The following PLAAT1 variants were observed in gnomAD, a reference collection of about 807,000 sequenced individuals.
The protein encoded by PLAAT1 is phospholipase A and acyltransferase 1.
Under a neutral mutation model 16.4 loss-of-function variants are expected in PLAAT1, and 13 were observed. The ratio of observed to expected loss-of-function variants is 0.79; its 90% CI spans 0.52 to 1.26. PLAAT1 has a LOEUF of 1.26. Ranked by LOEUF, PLAAT1 falls within the 50% of genes most tolerant of loss-of-function variation. PLAAT1 has a pLI of 0.00. For synonymous variants in PLAAT1, 73 were observed against 78.4 expected (o/e 0.93, Z 0.36); for missense variants, 218 against 207.8 (o/e 1.05, Z -0.30).
intron 1 of PLAAT1, among the ~76,000 whole-genome samples, chr3:193,248,785 T>C (rs189991571): frequency 2.0e-4 from 30 of 152,278 alleles, no homozygotes; most frequent in African/African-American, 6.3e-4. Context: ...GCTATATGTG[T>C]TTTGAATAGT....
At chr3:193,271,835 A>G (rs1293577440), downstream of PLAAT1, among the ~76,000 whole-genome samples, 2 of 152,116 alleles carry the variant, frequency 1.3e-5, no homozygotes, top group Non-Finnish European at 2.9e-5. Flanking sequence ...ACTGATTTAG[A>G]TTTTACCCCA....
intron 2 of PLAAT1, among the ~76,000 whole-genome samples, chr3:193,262,612 A>G (rs1474874548): frequency 6.6e-6 from 1 of 152,174 alleles, no homozygotes; most frequent in Non-Finnish European, 1.5e-5. Flanking sequence ...AAAAGTGGAC[A>G]ATAATCTTAT....
intron 3 of PLAAT1, among the ~76,000 whole-genome samples, chr3:193,264,948 A>G (rs1399584432): frequency 6.6e-6 from 1 of 152,270 alleles, no homozygotes; most frequent in African/African-American, 2.4e-5. Context: ...ATGCAAATCA[A>G]AGCCACAATG....
intron 3 of PLAAT1, among the ~76,000 whole-genome samples, chr3:193,267,695 A>G (rs758799301): frequency 3.2e-4 from 48 of 152,306 alleles, no homozygotes; most frequent in Admixed American, 4.6e-4. Flanking sequence ...TTTTATGTGG[A>G]CATAAGTATT....
chr3:193,270,796 T>G lies in PLAAT1; in HGVS notation c.*91T>G. ...ACTTATTTTCAGTGCATCATTACTG[T>G]TCCAGATTCCTATGATGGATGGCAG... On this transcript the variant is annotated 3_prime_UTR_variant, in exon 4 of 4. Coordinates refer to ENST00000264735, the MANE Select transcript of PLAAT1 (RefSeq NM_020386.5). 6.8e-7 allele frequency: 1 copy of G among 1,476,388 alleles called. No homozygotes were observed. The highest frequency in any genetic ancestry group is 9.0e-7 in the Non-Finnish European group (1 of 1,110,362). 91.5% of individuals were successfully genotyped at this position (1,476,388 alleles called of 1,614,324 possible). A position where few individuals can be genotyped will look rare whatever the true frequency, so the allele number is the denominator to read the frequency against.
downstream of PLAAT1, among the ~76,000 whole-genome samples, chr3:193,273,940 G>A (rs1368401881): frequency 1.3e-5 from 2 of 152,056 alleles, no homozygotes; most frequent in African/African-American, 4.8e-5. Context: ...AGTTCTGGAC[G>A]ACTTTTAAAG....
rs1335975712 is a variant in PLAAT1 at position 193,255,916 on chromosome 3, A to T, written c.139+127A>T. On this transcript the variant is annotated intron_variant, in intron 2 of 3. Coordinates refer to ENST00000264735, the MANE Select transcript of PLAAT1 (RefSeq NM_020386.5). ...ATATAGAAAGCAGATAAATCCAACT[A>T]ATCTAGGTTTAGAGAAGGATATTCT... 8.2e-6 allele frequency: 7 copies of T among 857,902 alleles called. No individual in the cohort carries two copies. In the African/African-American group the frequency reaches 1.2e-4, roughly 15 times the overall value. 53.1% of individuals were successfully genotyped at this position (857,902 alleles called of 1,614,324 possible).
chr3:193,275,135 G>A (rs762056396), downstream of PLAAT1: 2 of 1,614,188 alleles, frequency 1.2e-6, no homozygotes, highest in Admixed American at 3.3e-5. Flanking sequence ...AGCCTCCGTT[G>A]ATGTAGAATC....
At chr3:193,276,790 A>G in intron 2 of PLAAT1, 1 of 1,613,694 alleles carries the variant, frequency 6.2e-7, no homozygotes, top group South Asian at 1.1e-5. Flanking sequence ...GAGGGCTACC[A>G]CCAAAATTAA....
At chr3:193,277,237 C>A (rs866050233) in intron 2 of PLAAT1, among the ~76,000 whole-genome samples, 2 of 152,170 alleles carry the variant, frequency 1.3e-5, no homozygotes, top group African/African-American at 4.8e-5. Context: ...GGAATTCATT[C>A]TTTAAGGAGG....
At chr3:193,274,667 T>G (rs115909307), downstream of PLAAT1, 1,459 of 196,184 alleles carry the variant, frequency 7.4e-3, 17 homozygotes, top group African/African-American at 0.032. Flanking sequence ...AGTAAACTTG[T>G]GACAACTAAT....
upstream of PLAAT1, among the ~76,000 whole-genome samples, chr3:193,240,608 G>GGGGGGGGC (rs1349539487): frequency 2.7e-5 from 4 of 148,828 alleles, no homozygotes; most frequent in African/African-American, 9.9e-5. Context: ...GGGGGGCCGG[G>GGGGGGGGC]GGAGGGGGGC....
intron 3 of PLAAT1, among the ~76,000 whole-genome samples, chr3:193,268,612 A>G (rs1716860911): frequency 6.6e-6 from 1 of 152,200 alleles, no homozygotes; most frequent in African/African-American, 2.4e-5. Context: ...TCCTAACTCC[A>G]GTGGGTTGTC....
chr3:193,255,854 A>G, intron 2 of PLAAT1, 65 bp downstream of exon 2: 1 of 1,337,356 alleles, frequency 7.5e-7, no homozygotes, highest in Non-Finnish European at 1.0e-6. Context: ...GGAAGTAATC[A>G]TGGGTGAAAT....
rs1299396269 is a variant in PLAAT1, at chr3:193,246,592, G to C, written c.-1+5059G>C. ...TCCTAGGCTGGTCTAGAACTCCTGG[G>C]CTCAAGATATCCATCTGCCTCGGCC... On this transcript the variant is annotated intron_variant, in intron 1 of 3. Coordinates refer to ENST00000264735, the MANE Select transcript of PLAAT1 (RefSeq NM_020386.5). Among the ~76,000 whole-genome samples the C allele has an allele frequency of 3.3e-5, 5 of 152,178 alleles. No individual in the cohort carries two copies. In the East Asian group the frequency reaches 9.7e-4, roughly 29 times the overall value.
At chr3:193,250,300 C>T (rs1716143346) in intron 1 of PLAAT1, among the ~76,000 whole-genome samples, 1 of 152,142 alleles carries the variant, frequency 6.6e-6, no homozygotes, top group Non-Finnish European at 1.5e-5. Context: ...TGAAATGAAG[C>T]TGGAGAGACT....
chr3:193,241,151 C>G, upstream of PLAAT1: 1 of 1,163,680 alleles, frequency 8.6e-7, no homozygotes, highest in Non-Finnish European at 1.1e-6. Context: ...CGAAGCTGGG[C>G]TCGGGGCCAA....
At position 193,242,303 on chromosome 3, in the gene PLAAT1, G is replaced by A. The variant is rs117546680; in HGVS notation, c.-1+770G>A. Among the ~76,000 whole-genome samples, 16 of 152,218 alleles carry A rather than the reference G, an allele frequency of 1.1e-4. No homozygotes were observed. The East Asian group carries it at 3.1e-3, about 29-fold the overall frequency. On this transcript the variant is annotated intron_variant, in intron 1 of 3. Coordinates refer to ENST00000264735, the MANE Select transcript of PLAAT1 (RefSeq NM_020386.5). Reference sequence around the variant, plus strand: ...GACAATTTCCCAGAGACCAGTAGCTGAGGCAGGTGTAGGAAGTGAATGGGC... The same window carrying A: ...GACAATTTCCCAGAGACCAGTAGCTAAGGCAGGTGTAGGAAGTGAATGGGC...
chr3:193,248,839 A>G (rs569259974), intron 1 of PLAAT1, among the ~76,000 whole-genome samples: 1 of 152,114 alleles, frequency 6.6e-6, no homozygotes, highest in Non-Finnish European at 1.5e-5. Context: ...ATTTATTTTC[A>G]TACTACAATT....
Sources: allele counts gnomAD v4.1 joint callset (sites outside exome capture counted in the v4.1 genomes callset), GRCh38; gene constraint gnomAD v4.1.1; transcripts MANE v1.5; gene names NCBI Gene and HGNC (gene_info 2026-07-23, HGNC 2026-07-21).